Variants in SCOC observed in about 807,000 individuals in gnomAD.
SCOC encodes the protein short coiled coil protein.
In SCOC, 7 loss-of-function variants were observed where a neutral mutation model predicts 9.9. That is an observed-to-expected ratio of 0.71 (90% CI 0.40 to 1.33). SCOC has a LOEUF of 1.33. Among genes scored for constraint, SCOC ranks in the 40% most tolerant of loss-of-function variants. The probability of loss-of-function intolerance (pLI) is 0.01; values close to 1 mark genes in which losing one functional copy is unlikely to be tolerated. For synonymous variants in SCOC, 19 were observed against 28.2 expected (o/e 0.67, Z 1.03); for missense variants, 66 against 89.7 (o/e 0.74, Z 1.07).
At chr4:140,308,114 G>A (rs2126462965) in intron 1 of SCOC, among the ~76,000 whole-genome samples, 1 of 152,280 alleles carries the variant, frequency 6.6e-6, no homozygotes, top group East Asian at 1.9e-4. Flanking sequence ...TATGATGAAT[G>A]TGCTATTCAT....
chr4:140,373,311 T>G (rs1728140523), upstream of SCOC: 9 of 1,389,064 alleles, frequency 6.5e-6, no homozygotes, highest in Admixed American at 9.6e-5. Context: ...TCTTTCCTGA[T>G]TTTCCACACT....
At chr4:140,366,650 T>G in intron 2 of SCOC, 1 of 1,602,954 alleles carries the variant, frequency 6.2e-7, no homozygotes, top group Non-Finnish European at 8.5e-7. Flanking sequence ...CTGACATACT[T>G]CTGGTGGGCT....
At chr4:140,373,835 C>T in intron 1 of SCOC, 118 bp downstream of exon 1, 1 of 1,140,182 alleles carries the variant, frequency 8.8e-7, no homozygotes, top group Non-Finnish European at 1.3e-6. Context: ...CACCGGGGGC[C>T]CGGGAGGAGC....
At chr4:140,296,197 G>T (rs552674551) in intron 1 of SCOC, among the ~76,000 whole-genome samples, 1 of 152,196 alleles carries the variant, frequency 6.6e-6, no homozygotes, top group Non-Finnish European at 1.5e-5. Flanking sequence ...GCATCACAGA[G>T]GGGTCTTCAC....
chr4:140,285,210 G>T, intron 1 of SCOC: 1 of 456,742 alleles, frequency 2.2e-6, no homozygotes, highest in South Asian at 1.5e-5. Context: ...ACATCCTGTT[G>T]TATTTCTTCC....
chr4:140,317,900 C>T (rs1257426693), intron 1 of SCOC, among the ~76,000 whole-genome samples: 2 of 133,874 alleles, frequency 1.5e-5, no homozygotes, highest in African/African-American at 5.5e-5. Context: ...TTCCTGTGTC[C>T]ATGTGATCTC....
intron 1 of SCOC, among the ~76,000 whole-genome samples, chr4:140,292,679 G>A (rs373335899): frequency 2.6e-4 from 40 of 152,178 alleles, no homozygotes; most frequent in African/African-American, 8.2e-4. Flanking sequence ...TTACCTTGCC[G>A]AGGAGGGGAC....
At chr4:140,371,311 A>C (rs1049440625), upstream of SCOC, among the ~76,000 whole-genome samples, 1 of 152,178 alleles carries the variant, frequency 6.6e-6, no homozygotes, top group Non-Finnish European at 1.5e-5. Flanking sequence ...AATATTTTAC[A>C]TCTTTCCTTA....
At chr4:140,336,261 C>T (rs1732955657) in intron 1 of SCOC, among the ~76,000 whole-genome samples, 1 of 152,008 alleles carries the variant, frequency 6.6e-6, no homozygotes, top group Non-Finnish European at 1.5e-5. Flanking sequence ...TTATAAAGTA[C>T]ACAATTCAGT....
intron 1 of SCOC, among the ~76,000 whole-genome samples, chr4:140,289,200 C>T (rs1379571666): frequency 6.6e-6 from 1 of 152,200 alleles, no homozygotes; most frequent in East Asian, 1.9e-4. Flanking sequence ...AACCAGTAGT[C>T]ATAGAGAGTG....
intron 1 of SCOC, among the ~76,000 whole-genome samples, chr4:140,322,035 GC>G (rs1732514181): frequency 6.6e-6 from 1 of 152,160 alleles, no homozygotes; most frequent in Non-Finnish European, 1.5e-5. Context: ...CTAGCATCTG[GC>G]TCACCAGATG....
intron 1 of SCOC, among the ~76,000 whole-genome samples, chr4:140,272,237 T>A (rs1235504889): frequency 1.3e-5 from 2 of 151,468 alleles, no homozygotes; most frequent in South Asian, 2.1e-4. Flanking sequence ...TTTTTTTTTT[T>A]ATAGACCAGG....
chr4:140,302,261 T>C (rs767370570), intron 1 of SCOC, among the ~76,000 whole-genome samples: 3 of 152,154 alleles, frequency 2.0e-5, no homozygotes, highest in Non-Finnish European at 4.4e-5. Context: ...GCTCATTGCA[T>C]CTCCTGTCCA....
At chr4:140,272,708 CA>C (rs1229492440) in intron 1 of SCOC, among the ~76,000 whole-genome samples, 2 of 151,518 alleles carry the variant, frequency 1.3e-5, no homozygotes, top group Non-Finnish European at 2.9e-5. Flanking sequence ...GAAATTAAGT[CA>C]AAAAGATGTG....
chr4:140,286,176 T>A (rs1235451904), intron 1 of SCOC, among the ~76,000 whole-genome samples: 1 of 147,004 alleles, frequency 6.8e-6, no homozygotes, highest in Non-Finnish European at 1.5e-5. Flanking sequence ...AGAGCGAGAC[T>A]CCATCACAAA....
chr4:140,316,848 C>T (rs907551438), intron 1 of SCOC, among the ~76,000 whole-genome samples: 1 of 152,192 alleles, frequency 6.6e-6, no homozygotes, highest in African/African-American at 2.4e-5. Flanking sequence ...TCTCAGTCTA[C>T]AAATTAAGGT....
upstream of SCOC, chr4:140,369,253 C>T (rs1275585763): frequency 8.9e-6 from 4 of 448,266 alleles, no homozygotes; most frequent in Admixed American, 7.4e-5. Context: ...CTGTAGTATA[C>T]AATTACGTCT....
chr4:140,313,663 G>A (rs1379155063), intron 1 of SCOC, among the ~76,000 whole-genome samples: 1 of 152,050 alleles, frequency 6.6e-6, no homozygotes, highest in South Asian at 2.1e-4. Flanking sequence ...TAGAGGTCTC[G>A]GACCTAAGAG....
intron 1 of SCOC, among the ~76,000 whole-genome samples, chr4:140,281,645 T>G (rs1012737193): frequency 1.3e-5 from 2 of 152,182 alleles, no homozygotes; most frequent in African/African-American, 4.8e-5. Context: ...TGGAAGCAGG[T>G]GCTGGGGAGC....
Sources: allele counts gnomAD v4.1 joint callset (sites outside exome capture counted in the v4.1 genomes callset), GRCh38; gene constraint gnomAD v4.1.1; transcripts MANE v1.5; gene names NCBI Gene and HGNC (gene_info 2026-07-23, HGNC 2026-07-21).